The following NEK5 variants were observed in gnomAD, a reference collection of about 807,000 sequenced individuals.
The protein encoded by NEK5 is NIMA related kinase 5, also known as serine/threonine-protein kinase Nek5.
A neutral mutation model predicts 109.2 loss-of-function variants in NEK5; 88 were observed. That is an observed-to-expected ratio of 0.81 (90% confidence interval 0.68 to 0.96). The LOEUF is 0.96. NEK5 is among the 40% of genes least tolerant of loss of function. NEK5 has a pLI of 0.00. For synonymous variants in NEK5, 283 were observed against 299.9 expected, an observed-to-expected ratio of 0.94 and a Z score of 0.58; for missense variants, 834 against 920.7, an observed-to-expected ratio of 0.91 and a Z score of 1.22.
At chr13:52,039,287 A>G (rs1954394543) in intron 23 of NEK5, among the ~76,000 whole-genome samples, 1 of 152,166 alleles carries the variant, frequency 6.6e-6, no homozygotes, top group Admixed American at 6.5e-5. Flanking sequence ...GTTTGGAATC[A>G]CTGATACACT....
intron 20 of NEK5, among the ~76,000 whole-genome samples, chr13:52,066,505 G>A (rs1341080694): frequency 4.6e-5 from 7 of 151,080 alleles, no homozygotes; most frequent in Admixed American, 4.6e-4. Flanking sequence ...GCTCTTCCCT[G>A]TTCAAAAAAA....
intron 21 of NEK5, among the ~76,000 whole-genome samples, chr13:52,064,538 G>A (rs955550487): frequency 6.6e-6 from 1 of 151,584 alleles, no homozygotes; most frequent in African/African-American, 2.4e-5. Context: ...CCCCGTCCGG[G>A]AGGTGAGGGG....
intron 21 of NEK5, among the ~76,000 whole-genome samples, chr13:52,062,622 T>G (rs1334774971): frequency 6.6e-6 from 1 of 152,056 alleles, no homozygotes; most frequent in Non-Finnish European, 1.5e-5. Flanking sequence ...GGTTTCACCA[T>G]GTTGGCCAGG....
Position 52,036,726 on chromosome 13 carries a change from A to C in NEK5, c.*222T>G, listed in dbSNP as rs187023524. 1.1e-3 allele frequency: 179 copies of C among 158,284 alleles called. 2 individuals are homozygous for C. The highest frequency in any genetic ancestry group is 3.3e-3 in the Middle Eastern group (1 of 304). 9.8% of individuals were successfully genotyped at this position (158,284 alleles called of 1,614,324 possible). ...CATGATCTGCCTGCCTTGGCCTCCC[A>C]AAGTGATGAGACTGCCCGGCCTAAG... On this transcript the variant is annotated 3_prime_UTR_variant, in exon 24 of 24. Transcript: ENST00000684899.
intron 22 of NEK5, among the ~76,000 whole-genome samples, chr13:52,053,804 A>G (rs1309487442): frequency 1.3e-5 from 2 of 152,216 alleles, no homozygotes; most frequent in Admixed American, 6.5e-5. Flanking sequence ...ATTTTGCCTG[A>G]GAATTCCGAA....
intron 13 of NEK5, among the ~76,000 whole-genome samples, chr13:52,091,316 GTTC>G (rs1165464402): frequency 6.6e-6 from 1 of 152,176 alleles, no homozygotes; most frequent in East Asian, 1.9e-4. Context: ...GGCTGCTCCA[GTTC>G]TTCTGTAAAA....
At chr13:52,052,923 G>A (rs1256050886) in intron 22 of NEK5, among the ~76,000 whole-genome samples, 2 of 152,044 alleles carry the variant, frequency 1.3e-5, no homozygotes, top group Non-Finnish European at 2.9e-5. Flanking sequence ...CCTTTCAGAA[G>A]TACAAATTTA....
rs764208221 is a variant in NEK5 at position 52,110,344 on chromosome 13, TCAGGACTCTTGCTATAC to T, written c.446_462del (p.Gly149GlufsTer2). ...AATTATTTTCAAAGTACTTACTTAT[TCAGGACTCTTGCTATAC>T]CAAAGTCCCCAAGCTTTGCCACCAT... is the stretch of plus-strand genomic sequence containing the variant. On this transcript the variant is annotated frameshift_variant, in exon 7 of 24. Coordinates refer to ENST00000684899, the MANE Select transcript of NEK5 (RefSeq NM_001365552.1). LOFTEE classifies it high-confidence loss of function. The T allele has an allele frequency of 6.2e-7, 1 of 1,605,836 alleles. No homozygotes were observed. The highest frequency in any genetic ancestry group is 1.7e-5 in the Admixed American group (1 of 59,990).
rs867956257 is a variant in NEK5, at chr13:52,098,374, T to G, written c.1026+1369A>C. ...AAAAAAATGTTTATATACCAACACA[T>G]TTTCTAAAATGTCTATATATCAAGT... On this transcript the variant is annotated intron_variant, in intron 12 of 23. Coordinates refer to ENST00000684899, the MANE Select transcript of NEK5 (RefSeq NM_001365552.1). Among the ~76,000 whole-genome samples the G allele has an allele frequency of 5.3e-5, 8 of 152,160 alleles. No individual in the cohort carries two copies. The South Asian group carries it at 6.2e-4, about 12-fold the overall frequency.
At chr13:52,082,186 G>A in intron 17 of NEK5, 1 of 258,798 alleles carries the variant, frequency 3.9e-6, no homozygotes, top group Non-Finnish European at 7.4e-6. Context: ...GCGGTGGCAG[G>A]CGCCTATAAT....
At chr13:52,053,301 TAAATA>T (rs1312757168) in intron 22 of NEK5, among the ~76,000 whole-genome samples, 2 of 151,792 alleles carry the variant, frequency 1.3e-5, no homozygotes, top group African/African-American at 2.4e-5. Context: ...AATAAATAAA[TAAATA>T]AAATAAAAAA....
At chr13:52,057,051 C>G (rs1251011258) in intron 22 of NEK5, among the ~76,000 whole-genome samples, 2 of 150,774 alleles carry the variant, frequency 1.3e-5, no homozygotes, top group African/African-American at 2.4e-5. Flanking sequence ...AAACCGCTAG[C>G]AAGACTAATA....
chr13:52,115,817 AT>A (rs775400130), intron 4 of NEK5, among the ~76,000 whole-genome samples: 5 of 152,012 alleles, frequency 3.3e-5, no homozygotes, highest in Non-Finnish European at 7.4e-5. Flanking sequence ...TAACCTTTTT[AT>A]TTGTCAAATT....
At chr13:52,125,315 G>T (rs1956043762) in intron 3 of NEK5, among the ~76,000 whole-genome samples, 1 of 152,222 alleles carries the variant, frequency 6.6e-6, no homozygotes, top group Non-Finnish European at 1.5e-5. Context: ...TGTAATCCCA[G>T]CACTTTGGGA....
rs530468342 is a variant in NEK5 at position 52,038,531 on chromosome 13, T to C, written c.2229-1313A>G. On this transcript the variant is annotated intron_variant, in intron 23 of 23. Coordinates refer to ENST00000684899, the MANE Select transcript of NEK5 (RefSeq NM_001365552.1). Reference sequence around the variant, plus strand: ...CCGTGCAGCAGGAGCCAATGTACAGTGGGTCCAGAAAGCAATGGAGATTAA... The same window carrying C: ...CCGTGCAGCAGGAGCCAATGTACAGCGGGTCCAGAAAGCAATGGAGATTAA... Among the ~76,000 whole-genome samples, 5 of 152,184 alleles carry C rather than the reference T, an allele frequency of 3.3e-5. No individual in the cohort carries two copies. In the East Asian group the frequency reaches 7.7e-4, roughly 24 times the overall value.
intron 13 of NEK5, among the ~76,000 whole-genome samples, chr13:52,091,525 A>C (rs1406526336): frequency 6.6e-6 from 1 of 152,238 alleles, no homozygotes; most frequent in East Asian, 1.9e-4. Flanking sequence ...TTCTCTTATC[A>C]TTCTTGCTTA....
At chr13:52,080,762 C>A (rs904242046) in intron 17 of NEK5, among the ~76,000 whole-genome samples, 6 of 151,836 alleles carry the variant, frequency 4.0e-5, no homozygotes, top group Admixed American at 2.6e-4. Flanking sequence ...TGCGGAAGGC[C>A]GCAGGGTCCT....
intron 9 of NEK5, 152 bp downstream of exon 9, chr13:52,104,346 C>G (rs1286789215): frequency 7.2e-6 from 5 of 692,578 alleles, no homozygotes; most frequent in Non-Finnish European, 1.3e-5. Flanking sequence ...GCTTGGACAG[C>G]TTTCCATGTC....
In NEK5 at chr13:52,083,243, A is replaced by G. The variant is rs145116082; in HGVS notation, c.1572+17T>C. The G allele has an allele frequency of 1.0e-4, 161 of 1,549,488 alleles. No individual in the cohort carries two copies. Among genetic ancestry groups the G allele is most frequent in the Non-Finnish European group, 1.4e-4 (152 of 1,121,244 alleles). Reference sequence around the variant, plus strand: ...CACACACTGCAAGCACACACATCTGATCATAGCCATCATTACCTGCACAGG... The same window carrying G: ...CACACACTGCAAGCACACACATCTGGTCATAGCCATCATTACCTGCACAGG... On this transcript the variant is annotated intron_variant, in intron 17 of 23. Coordinates refer to ENST00000684899, the MANE Select transcript of NEK5 (RefSeq NM_001365552.1).
Sources: gnomAD v4.1 joint callset for allele counts (sites outside exome capture counted in the v4.1 genomes callset) on GRCh38, gnomAD v4.1.1 for gene constraint, MANE v1.5 for transcripts, NCBI Gene and HGNC (gene_info 2026-07-23, HGNC 2026-07-21) for gene names.